ARL10: variants seen among roughly 807,000 people sequenced by gnomAD.
The protein encoded by ARL10 is ARF like GTPase 10.
ARL10 carries 23 observed loss-of-function variants against 26.1 expected under a neutral mutation model. That is an observed-to-expected ratio of 0.88 (90% CI 0.63 to 1.25). The LOEUF is 1.25. Among genes scored for constraint, ARL10 ranks in the 50% most tolerant of loss-of-function variants. The probability of loss-of-function intolerance (pLI) is 0.00; values close to 1 mark genes in which losing one functional copy is unlikely to be tolerated. For missense variants in ARL10, 300 were observed against 323.6 expected, an observed-to-expected ratio of 0.93 and a Z score of 0.56; for synonymous variants, 138 against 149.1, an observed-to-expected ratio of 0.93 and a Z score of 0.54.
At chr5:176,409,760 C>T in the ARL10 span, among the ~76,000 whole-genome samples, 1 of 152,176 alleles carries the variant, frequency 6.6e-6, no homozygotes, top group Non-Finnish European at 1.5e-5. Flanking sequence ...TCTATCTATT[C>T]AGTTCCCTGA....
At chr5:176,386,751 C>T (rs1225813466), downstream of ARL10, 2 of 1,153,070 alleles carry the variant, frequency 1.7e-6, no homozygotes, top group Non-Finnish European at 2.6e-6. Context: ...CTTGGTTTCT[C>T]CATCTGCAAA....
At chr5:176,410,253 T>C in the ARL10 span, 1 of 1,613,880 alleles carries the variant, frequency 6.2e-7, no homozygotes, top group Non-Finnish European at 8.5e-7. Context: ...AGAGCCTTGC[T>C]TACCTGAAAC....
downstream of ARL10, chr5:176,406,682 T>C (rs977376665): frequency 2.9e-5 from 38 of 1,288,790 alleles, no homozygotes; most frequent in Non-Finnish European, 3.4e-5. Flanking sequence ...ACTGGGTTTG[T>C]AGCTGGACCC....
At chr5:176,389,522 CCG>C, downstream of ARL10, 1 of 1,591,172 alleles carries the variant, frequency 6.3e-7, no homozygotes, top group South Asian at 1.1e-5. Flanking sequence ...CTTGAAAGCT[CCG>C]CAGAAATGAT....
chr5:176,383,446 C>A (rs1755600839), downstream of ARL10, among the ~76,000 whole-genome samples: 1 of 152,266 alleles, frequency 6.6e-6, no homozygotes, highest in African/African-American at 2.4e-5. Flanking sequence ...CAAAGGATGG[C>A]CATGCCATGT....
chr5:176,395,877 G>A (rs1372413392), intron 1 of ARL10, among the ~76,000 whole-genome samples: 1 of 152,214 alleles, frequency 6.6e-6, no homozygotes, highest in Non-Finnish European at 1.5e-5. Flanking sequence ...GCTCATGCCT[G>A]TAATCCCAGC....
chr5:176,372,009 C>T lies in ARL10; in HGVS notation c.*114C>T, dbSNP rs987672164. 1.4e-6 allele frequency: 2 copies of T among 1,471,104 alleles called. No homozygotes were observed. The highest frequency in any genetic ancestry group is 2.5e-5 in the Admixed American group (1 of 40,282). 91.1% of individuals were successfully genotyped at this position (1,471,104 alleles called of 1,614,324 possible). A position where few individuals can be genotyped will look rare whatever the true frequency, so the allele number is the denominator to read the frequency against. ...CACATGGCAGCATTTCCCTTTTCCC[C>T]TCCTTTGCCTTTCAAGAGCAGGGCC... On this transcript the variant is annotated 3_prime_UTR_variant, in exon 4 of 4. Coordinates refer to ENST00000310389, the MANE Select transcript of ARL10 (RefSeq NM_173664.6).
At chr5:176,388,327 C>T in exon 2 of ARL10, 1 of 1,614,190 alleles carries the variant, frequency 6.2e-7, no homozygotes, top group Non-Finnish European at 8.5e-7. Flanking sequence ...TGGTCCCAGG[C>T]ATGTCGGATG....
intron 1 of ARL10, among the ~76,000 whole-genome samples, chr5:176,396,212 T>G (rs1756514565): frequency 6.6e-6 from 1 of 151,372 alleles, no homozygotes; most frequent in African/African-American, 2.4e-5. Context: ...GCTCTGCCAT[T>G]TGCCCCTCCC....
At chr5:176,386,744 G>A, downstream of ARL10, 1 of 1,052,488 alleles carries the variant, frequency 9.5e-7, no homozygotes, top group Admixed American at 1.7e-5. Context: ...TCTGAAACTT[G>A]GTTTCTCCAT....
intron 3 of ARL10, 62 bp from the exon 4 acceptor site, chr5:176,371,660 C>T (rs991628887): frequency 2.8e-6 from 4 of 1,444,094 alleles, no homozygotes; most frequent in Non-Finnish European, 2.9e-6. Context: ...TCATGAACGA[C>T]AAGGGTGTCA....
chr5:176,384,323 G>A (rs200749495), downstream of ARL10: 16 of 1,614,226 alleles, frequency 9.9e-6, no homozygotes, highest in South Asian at 2.2e-5. Context: ...ATCTTACTCC[G>A]AATCTGTTTT....
rs866162154 is a variant in ARL10, at chr5:176,375,106, A to G, written c.*3211A>G. The G allele has an allele frequency of 7.0e-6, 1 of 142,376 alleles. No individual in the cohort carries two copies. The highest frequency in any genetic ancestry group is 7.0e-5 in the Admixed American group (1 of 14,218). 8.8% of individuals were successfully genotyped at this position (142,376 alleles called of 1,614,324 possible). ...CATCCATCCATCCATCCATCCATCC[A>G]TCCCTCCATCCGTCCACCCGTCCAC... On this transcript the variant is annotated 3_prime_UTR_variant, in exon 4 of 4. Coordinates refer to ENST00000310389, the MANE Select transcript of ARL10 (RefSeq NM_173664.6).
the ARL10 span, among the ~76,000 whole-genome samples, chr5:176,413,901 C>T: frequency 4.6e-5 from 7 of 152,304 alleles, no homozygotes; most frequent in African/African-American, 1.7e-4. Context: ...GCTGTATCCC[C>T]GGCACCTCCC....
chr5:176,401,533 T>G (rs1343641501), intron 1 of ARL10, among the ~76,000 whole-genome samples: 2 of 152,236 alleles, frequency 1.3e-5, no homozygotes, highest in Admixed American at 6.5e-5. Flanking sequence ...GGCACCACAG[T>G]GCCCTTGTAG....
In ARL10 at chr5:176,372,109, A is replaced by G; in HGVS notation, c.*214A>G. ...AAGCCGAAGCAGGGAGGTGGGTGAG[A>G]CAGAGGGTGGGGAGGATAGTGTCTG... On this transcript the variant is annotated 3_prime_UTR_variant, in exon 4 of 4. Transcript: ENST00000310389. 7.1e-7 allele frequency: 1 copy of G among 1,410,382 alleles called. No individual in the cohort carries two copies. The highest frequency in any genetic ancestry group is 9.2e-7 in the Non-Finnish European group (1 of 1,082,342). 87.4% of individuals were successfully genotyped at this position (1,410,382 alleles called of 1,614,324 possible). A position where few individuals can be genotyped will look rare whatever the true frequency, so the allele number is the denominator to read the frequency against.
In ARL10 at chr5:176,365,575, G is replaced by A. The variant is rs1768249798; in HGVS notation, c.12G>A (p.Arg4=). 7.3e-6 allele frequency: 9 copies of A among 1,235,742 alleles called. No homozygotes were observed. The highest frequency in any genetic ancestry group is 9.1e-6 in the Non-Finnish European group (9 of 989,686). 76.5% of individuals were successfully genotyped at this position (1,235,742 alleles called of 1,614,324 possible). ...CCTCGCCCGGCCCGATGGCGCCGCG[G>A]CCGCTGGGCCCCTTGGTGCTGGCGC... MAP[R]PLGPLVLALG... Residue 4 remains arginine (R), a synonymous_variant, in exon 1 of 4, where the codon CGG becomes CGA. Coordinates refer to ENST00000310389, the MANE Select transcript of ARL10 (RefSeq NM_173664.6).
chr5:176,393,302 T>G (rs972609566), downstream of ARL10, among the ~76,000 whole-genome samples: 4 of 152,238 alleles, frequency 2.6e-5, no homozygotes, highest in African/African-American at 9.6e-5. The surrounding 1 kb of genome is among the most constrained non-coding windows in gnomAD (Gnocchi z 4.4). Context: ...CTGAGGTTCC[T>G]GACACCTAAA....
rs1768386484 is a variant in ARL10 at position 176,368,070 on chromosome 5, G to A, written c.386-737G>A. ...GAGGTAAGTGCCTCTGACTCTCACAGCTTAGAATCCTCAAGTGTCAGAAAC... is the reference window on the plus strand; with the variant it reads ...GAGGTAAGTGCCTCTGACTCTCACAACTTAGAATCCTCAAGTGTCAGAAAC... On this transcript the variant is annotated intron_variant, in intron 2 of 3. Transcript: ENST00000310389. The surrounding 1 kb of genome is among the most constrained non-coding windows in gnomAD (Gnocchi z 4.1). 1 of 504,770 alleles carries A rather than the reference G, an allele frequency of 2.0e-6. No individual in the cohort carries two copies. Among genetic ancestry groups the A allele is most frequent in the African/African-American group, 1.9e-5 (1 of 51,478 alleles). 31.3% of individuals were successfully genotyped at this position (504,770 alleles called of 1,614,324 possible).
Sources: allele counts gnomAD v4.1 joint callset (sites outside exome capture counted in the v4.1 genomes callset), GRCh38; gene constraint gnomAD v4.1.1; non-coding constraint Gnocchi (gnomAD v3.1); transcripts MANE v1.5; gene names NCBI Gene and HGNC (gene_info 2026-07-23, HGNC 2026-07-21).